The following RAD51B variants were observed in gnomAD, a reference collection of about 807,000 sequenced individuals.
RAD51B encodes RAD51 paralog B.
RAD51B carries 38 observed loss-of-function variants against 42.2 expected under a neutral mutation model. The ratio of observed to expected loss-of-function variants is 0.90; its 90% confidence interval spans 0.70 to 1.18. The LOEUF (loss-of-function observed/expected upper bound fraction) is 1.18. Ranked by LOEUF, RAD51B falls within the 50% of genes most tolerant of loss-of-function variation. RAD51B has a pLI of 0.00. For missense variants in RAD51B, 373 were observed against 400.7 expected (o/e 0.93, Z 0.59); for synonymous variants, 154 against 145.2 (o/e 1.06, Z -0.43).
At chr14:68,301,257 T>C (rs2081728677) in intron 8 of RAD51B, among the ~76,000 whole-genome samples, 1 of 152,136 alleles carries the variant, frequency 6.6e-6, no homozygotes, top group Non-Finnish European at 1.5e-5. Flanking sequence ...AGACAAATGT[T>C]TTTTTGTTTT....
At chr14:67,835,521 GCATA>G (rs1382397914) in intron 4 of RAD51B, among the ~76,000 whole-genome samples, 12 of 150,866 alleles carry the variant, frequency 8.0e-5, no homozygotes, top group South Asian at 6.2e-4. Context: ...ATACATACAT[GCATA>G]CATACATTTA....
intron 4 of RAD51B, among the ~76,000 whole-genome samples, chr14:67,836,561 C>T (rs1035756268): frequency 8.0e-5 from 12 of 150,748 alleles, no homozygotes; most frequent in African/African-American, 2.9e-4. Context: ...TCTTGGCTTA[C>T]TGCAACCTCT....
At chr14:67,894,438 C>T (rs909100601) in intron 7 of RAD51B, among the ~76,000 whole-genome samples, 6 of 152,070 alleles carry the variant, frequency 3.9e-5, no homozygotes, top group African/African-American at 1.2e-4. Flanking sequence ...CTTTCCTTTT[C>T]GATTCCACCT....
chr14:68,588,647 G>T (rs1009518828), intron 10 of RAD51B, among the ~76,000 whole-genome samples: 1 of 152,196 alleles, frequency 6.6e-6, no homozygotes, highest in African/African-American at 2.4e-5. Flanking sequence ...CTTTCATAAT[G>T]GATAAATGGC....
At chr14:68,556,192 C>A (rs571813623) in intron 10 of RAD51B, among the ~76,000 whole-genome samples, 1 of 152,194 alleles carries the variant, frequency 6.6e-6, no homozygotes, top group Non-Finnish European at 1.5e-5. Context: ...GGGGAAACAG[C>A]AGGGAACAAC....
At chr14:68,059,683 T>A (rs982220335) in intron 7 of RAD51B, among the ~76,000 whole-genome samples, 1 of 152,250 alleles carries the variant, frequency 6.6e-6, no homozygotes, top group Non-Finnish European at 1.5e-5. Flanking sequence ...TGCGTCATAA[T>A]AATGTATTTT....
At chr14:68,094,611 G>A (rs566569205) in intron 7 of RAD51B, among the ~76,000 whole-genome samples, 6 of 152,182 alleles carry the variant, frequency 3.9e-5, no homozygotes, top group African/African-American at 1.4e-4. Context: ...AGGAAATGGG[G>A]GAGTAGTGAT....
intron 7 of RAD51B, among the ~76,000 whole-genome samples, chr14:68,167,441 T>G (rs2078776491): frequency 6.6e-6 from 1 of 152,212 alleles, no homozygotes; most frequent in Admixed American, 6.5e-5. Context: ...ATTTTGTGTA[T>G]ATCCTTCCCT....
At chr14:68,393,071 G>T (rs1271874560) in intron 8 of RAD51B, among the ~76,000 whole-genome samples, 1 of 152,190 alleles carries the variant, frequency 6.6e-6, no homozygotes, top group East Asian at 1.9e-4. Context: ...CACCTATCAG[G>T]CTCACTTGAG....
intron 7 of RAD51B, among the ~76,000 whole-genome samples, chr14:68,227,792 T>G (rs547448583): frequency 2.0e-5 from 3 of 152,316 alleles, no homozygotes; most frequent in African/African-American, 7.2e-5. Flanking sequence ...AATGTATAAT[T>G]GGAGGAAACC....
At chr14:67,918,964 A>G (rs768700927) in intron 7 of RAD51B, among the ~76,000 whole-genome samples, 3 of 152,232 alleles carry the variant, frequency 2.0e-5, no homozygotes, top group Non-Finnish European at 2.9e-5. Context: ...TGGGGAATGT[A>G]ACACTGGAGA....
chr14:68,076,912 T>C (rs1307875834), intron 7 of RAD51B, among the ~76,000 whole-genome samples: 3 of 152,212 alleles, frequency 2.0e-5, no homozygotes. Context: ...TCTGAGAAAC[T>C]CAGCTGAGCC....
intron 3 of RAD51B, among the ~76,000 whole-genome samples, chr14:67,833,915 C>A (rs1452362752): frequency 1.9e-4 from 29 of 152,336 alleles, no homozygotes; most frequent in Admixed American, 1.2e-3. Context: ...CTCCCAGCTT[C>A]AAGCTGTTCT....
intron 7 of RAD51B, among the ~76,000 whole-genome samples, chr14:67,896,114 A>G (rs1315152023): frequency 6.6e-6 from 1 of 152,210 alleles, no homozygotes. Flanking sequence ...TGCATCCTCC[A>G]TAGCTGCCTA....
At chr14:68,310,609 G>A (rs2081951675) in intron 8 of RAD51B, among the ~76,000 whole-genome samples, 1 of 152,180 alleles carries the variant, frequency 6.6e-6, no homozygotes, top group African/African-American at 2.4e-5. Context: ...ACTTTGGGAG[G>A]CCGAGGTGGG....
intron 7 of RAD51B, among the ~76,000 whole-genome samples, chr14:67,899,662 T>C (rs949216674): frequency 6.6e-6 from 1 of 152,218 alleles, no homozygotes; most frequent in Non-Finnish European, 1.5e-5. Flanking sequence ...GTCATTGACA[T>C]TGAAAAAATT....
chr14:68,607,555 G>A (rs1475423337), intron 10 of RAD51B, among the ~76,000 whole-genome samples: 1 of 152,236 alleles, frequency 6.6e-6, no homozygotes, highest in Non-Finnish European at 1.5e-5. Flanking sequence ...TACACTGGGA[G>A]ATGAGCTTCT....
At chr14:68,494,279 C>CAA (rs3074525) in intron 10 of RAD51B, among the ~76,000 whole-genome samples, 3 of 123,074 alleles carry the variant, frequency 2.4e-5, no homozygotes, top group African/African-American at 2.8e-5. Context: ...GATTCCGTCT[C>CAA]AAAAAAAAAA....
intron 8 of RAD51B, among the ~76,000 whole-genome samples, chr14:68,308,713 A>AAAC (rs2081914968): frequency 6.7e-6 from 1 of 150,218 alleles, no homozygotes; most frequent in Non-Finnish European, 1.5e-5. Context: ...TTAAAAAAAA[A>AAAC]AAAAAAAAAA....
Sources: gnomAD v4.1 joint callset for allele counts (sites outside exome capture counted in the v4.1 genomes callset) on GRCh38, gnomAD v4.1.1 for gene constraint, MANE v1.5 for transcripts, NCBI Gene and HGNC (gene_info 2026-07-23, HGNC 2026-07-21) for gene names.